Variants in AGMO observed in about 807,000 individuals in gnomAD.
The protein encoded by AGMO is alkylglycerol monooxygenase.
AGMO carries 75 observed loss-of-function variants against 60.2 expected under a neutral mutation model. That is an observed-to-expected ratio of 1.25 (90% CI 1.03 to 1.51). The LOEUF (loss-of-function observed/expected upper bound fraction) is 1.51, where lower values mean the gene tolerates loss of function less well. AGMO is among the 40% of genes most tolerant of loss of function. The pLI is 0.00. For missense variants in AGMO, 763 were observed against 525.5 expected (o/e 1.45, Z -4.42); for synonymous variants, 261 against 177.1 (o/e 1.47, Z -3.76).
intron 12 of AGMO, among the ~76,000 whole-genome samples, chr7:15,211,991 C>G (rs1781604429): frequency 6.6e-6 from 1 of 151,804 alleles, no homozygotes; most frequent in African/African-American, 2.4e-5. Context: ...AAGGAAAGGG[C>G]CAAACTTGAA....
At chr7:15,539,898 GC>G (rs141835475) in intron 3 of AGMO, among the ~76,000 whole-genome samples, 5,063 of 152,162 alleles carry the variant, frequency 0.033, 256 homozygotes, top group African/African-American at 0.11. Context: ...GTGATGTTGA[GC>G]TTTTTTCATA....
intron 12 of AGMO, 100 bp downstream of exon 12, chr7:15,365,414 G>T: frequency 3.5e-5 from 12 of 343,316 alleles, no homozygotes; most frequent in Middle Eastern, 3.7e-4. Flanking sequence ...TTTCCCACAT[G>T]TACTGGTCAG....
At chr7:15,328,496 G>C (rs778377663) in intron 12 of AGMO, among the ~76,000 whole-genome samples, 1 of 152,150 alleles carries the variant, frequency 6.6e-6, no homozygotes, top group Non-Finnish European at 1.5e-5. Flanking sequence ...TGTGTTAATT[G>C]TAAGAAATTC....
chr7:15,373,761 A>G (rs1211063800), intron 10 of AGMO, among the ~76,000 whole-genome samples: 1 of 152,198 alleles, frequency 6.6e-6, no homozygotes, highest in Non-Finnish European at 1.5e-5. Flanking sequence ...CCATAATTTT[A>G]TTCTAAGGCT....
chr7:15,503,477 G>A (rs992245476), intron 3 of AGMO, among the ~76,000 whole-genome samples: 7 of 151,868 alleles, frequency 4.6e-5, no homozygotes, highest in Non-Finnish European at 1.0e-4. Flanking sequence ...AGGAAGTTGA[G>A]TACAATTAAA....
intron 12 of AGMO, among the ~76,000 whole-genome samples, chr7:15,361,277 GA>G (rs879496227): frequency 2.3e-3 from 317 of 137,598 alleles, no homozygotes; most frequent in Middle Eastern, 3.8e-3. Context: ...GAACTTAGTT[GA>G]AAAAAAAAAA....
the AGMO span, among the ~76,000 whole-genome samples, chr7:15,118,192 ACACACAC>A: frequency 6.6e-6 from 1 of 151,520 alleles, no homozygotes; most frequent in Non-Finnish European, 1.5e-5. Context: ...ACACACACAC[ACACACAC>A]ACACACACAC....
At chr7:15,360,709 G>A (rs1208861373) in intron 12 of AGMO, among the ~76,000 whole-genome samples, 1 of 150,684 alleles carries the variant, frequency 6.6e-6, no homozygotes, top group Non-Finnish European at 1.5e-5. Flanking sequence ...AATATTTATT[G>A]AAAAAAAAAT....
intron 12 of AGMO, among the ~76,000 whole-genome samples, chr7:15,340,130 A>T (rs1781795370): frequency 6.6e-6 from 1 of 152,210 alleles, no homozygotes; most frequent in African/African-American, 2.4e-5. Flanking sequence ...GATGGAACCC[A>T]AGCCTAAACT....
chr7:15,251,614 C>T (rs1179315665), intron 12 of AGMO, among the ~76,000 whole-genome samples: 1 of 152,166 alleles, frequency 6.6e-6, no homozygotes, highest in Non-Finnish European at 1.5e-5. Flanking sequence ...TTTTTGGTCT[C>T]TACTAAGCAT....
the AGMO span, among the ~76,000 whole-genome samples, chr7:15,186,926 G>T: frequency 1.3e-5 from 2 of 152,150 alleles, no homozygotes; most frequent in African/African-American, 4.8e-5. Context: ...AAATTGGAGA[G>T]AAAGAATACG....
At chr7:15,292,518 G>A (rs1194466082) in intron 12 of AGMO, among the ~76,000 whole-genome samples, 1 of 152,134 alleles carries the variant, frequency 6.6e-6, no homozygotes, top group Non-Finnish European at 1.5e-5. Context: ...CTAGTACTGT[G>A]AACATGATAG....
At chr7:15,158,435 C>A in the AGMO span, among the ~76,000 whole-genome samples, 1 of 152,176 alleles carries the variant, frequency 6.6e-6, no homozygotes, top group Non-Finnish European at 1.5e-5. Flanking sequence ...AAAGGTGTAA[C>A]AACAACAACA....
intron 12 of AGMO, among the ~76,000 whole-genome samples, chr7:15,218,530 T>C (rs377550112): frequency 1.4e-5 from 2 of 146,652 alleles, no homozygotes; most frequent in Admixed American, 6.7e-5. Flanking sequence ...AATGTTCAGA[T>C]AAAAAATTCA....
intron 3 of AGMO, among the ~76,000 whole-genome samples, chr7:15,522,470 C>G (rs565675289): frequency 6.6e-6 from 1 of 152,154 alleles, no homozygotes; most frequent in South Asian, 2.1e-4. Flanking sequence ...CTAAAGTAAC[C>G]AAAACAGCAT....
chr7:15,220,230 T>G (rs2128496635), intron 12 of AGMO, among the ~76,000 whole-genome samples: 1 of 148,482 alleles, frequency 6.7e-6, no homozygotes, highest in South Asian at 2.2e-4. Flanking sequence ...TTTTTTTTTT[T>G]TCCTGGAGAT....
chr7:15,198,930 G>A (rs73054513), downstream of AGMO, among the ~76,000 whole-genome samples: 6,366 of 152,256 alleles, frequency 0.042, 148 homozygotes, highest in Non-Finnish European at 0.053. Flanking sequence ...TGACTCCTAA[G>A]CCTATTTTCT....
At chr7:15,387,850 A>G (rs1379448997) in intron 8 of AGMO, among the ~76,000 whole-genome samples, 3 of 152,002 alleles carry the variant, frequency 2.0e-5, no homozygotes, top group South Asian at 2.1e-4. Context: ...TTTGCTTCCA[A>G]TGGAATTAAC....
chr7:15,150,877 A>C, the AGMO span, among the ~76,000 whole-genome samples: 1 of 152,014 alleles, frequency 6.6e-6, no homozygotes, highest in East Asian at 1.9e-4. Context: ...TTTTTTGGAA[A>C]CATGTCAGTA....
Sources: gnomAD v4.1 joint callset for allele counts (sites outside exome capture counted in the v4.1 genomes callset) on GRCh38, gnomAD v4.1.1 for gene constraint, MANE v1.5 for transcripts, NCBI Gene and HGNC (gene_info 2026-07-23, HGNC 2026-07-21) for gene names.